Variants in SCUBE1 observed in about 807,000 individuals in gnomAD.
SCUBE1 encodes signal peptide, CUB and EGF-like domain-containing protein 1.
SCUBE1 carries 59 observed loss-of-function variants against 124.4 expected under a neutral mutation model. The ratio of observed to expected loss-of-function variants is 0.47; its 90% CI spans 0.38 to 0.59. The LOEUF (loss-of-function observed/expected upper bound fraction) is 0.59, where lower values mean the gene tolerates loss of function less well. Ranked by LOEUF, SCUBE1 falls within the 20% of genes least tolerant of loss-of-function variation. SCUBE1 has a pLI of 0.00. For missense variants in SCUBE1, 1,150 were observed against 1,371.2 expected, an observed-to-expected ratio of 0.84 and a Z score of 2.55; for synonymous variants, 545 against 550.9, an observed-to-expected ratio of 0.99 and a Z score of 0.15.
intron 4 of SCUBE1, among the ~76,000 whole-genome samples, chr22:43,277,220 G>A (rs115845116): frequency 0.012 from 1,853 of 152,248 alleles, 32 homozygotes; most frequent in African/African-American, 0.041. Flanking sequence ...GGCAGAGGCC[G>A]GGATGAGAAG....
intron 3 of SCUBE1, among the ~76,000 whole-genome samples, chr22:43,312,632 G>C (rs1926210840): frequency 2.6e-5 from 4 of 152,206 alleles, no homozygotes; most frequent in Non-Finnish European, 5.9e-5. Context: ...AGGATGATGT[G>C]AGGTGCCTAA....
At chr22:43,238,707 G>A (rs2146685966) in intron 7 of SCUBE1, 131 bp downstream of exon 7, 1 of 791,030 alleles carries the variant, frequency 1.3e-6, no homozygotes, top group South Asian at 1.4e-5. Context: ...GCAAATGATT[G>A]CCACGTGTCC....
chr22:43,266,610 G>C (rs1245200677), intron 4 of SCUBE1, among the ~76,000 whole-genome samples: 6 of 152,176 alleles, frequency 3.9e-5, no homozygotes, highest in Non-Finnish European at 8.8e-5. Flanking sequence ...AGCACATACA[G>C]CAGGGCTGGA....
intron 4 of SCUBE1, among the ~76,000 whole-genome samples, chr22:43,285,039 T>C (rs1238218422): frequency 6.6e-6 from 1 of 152,198 alleles, no homozygotes; most frequent in Non-Finnish European, 1.5e-5. Context: ...GGTAAACTCA[T>C]GCAGTCCTTG....
At chr22:43,252,343 C>T (rs1490365143) in intron 6 of SCUBE1, among the ~76,000 whole-genome samples, 1 of 152,232 alleles carries the variant, frequency 6.6e-6, no homozygotes, top group Non-Finnish European at 1.5e-5. Flanking sequence ...AACCCTTAGC[C>T]CCTCTGAGCC....
At chr22:43,217,474 G>C (rs1921882530) in intron 15 of SCUBE1, among the ~76,000 whole-genome samples, 1 of 151,948 alleles carries the variant, frequency 6.6e-6, no homozygotes, top group Admixed American at 6.5e-5. Context: ...CTCCCTAGGA[G>C]CCCCCTCCAT....
At chr22:43,301,687 T>C (rs1040134396) in intron 3 of SCUBE1, among the ~76,000 whole-genome samples, 1 of 152,196 alleles carries the variant, frequency 6.6e-6, no homozygotes, top group Non-Finnish European at 1.5e-5. Context: ...ATCTTCCTTG[T>C]GACTGTTTCT....
intron 3 of SCUBE1, among the ~76,000 whole-genome samples, chr22:43,312,663 C>G (rs1926211578): frequency 6.6e-6 from 1 of 152,182 alleles, no homozygotes; most frequent in Non-Finnish European, 1.5e-5. Context: ...AAGCTCTGCC[C>G]TTGGCCCAAG....
intron 9 of SCUBE1, 62 bp from the exon 10 acceptor site, chr22:43,227,558 G>A (rs1003019744): frequency 3.8e-6 from 6 of 1,586,816 alleles, no homozygotes; most frequent in Non-Finnish European, 4.3e-6. Context: ...GGCAGGGGAA[G>A]GGACCACCCA....
chr22:43,272,272 C>G (rs1298062932), intron 4 of SCUBE1, among the ~76,000 whole-genome samples: 2 of 152,162 alleles, frequency 1.3e-5, no homozygotes, highest in African/African-American at 2.4e-5. Flanking sequence ...CCCACTCTGC[C>G]TGGTCCCCTT....
intron 6 of SCUBE1, among the ~76,000 whole-genome samples, chr22:43,253,729 C>G (rs114125213): frequency 0.011 from 1,705 of 152,306 alleles, 37 homozygotes; most frequent in African/African-American, 0.04. Flanking sequence ...CCCGCCTGCA[C>G]CACCCATTTA....
Position 43,304,831 on chromosome 22 carries a change from G to A in SCUBE1, c.350-13651C>T, listed in dbSNP as rs568939697. The stretch of plus-strand genomic sequence containing the variant: ...GGGGACCCTCCACTCACTCCAGGTA[G>A]GGCGAGTCACCCACCCCACACCATC... On this transcript the variant is annotated intron_variant, in intron 3 of 21. Coordinates refer to ENST00000360835, the MANE Select transcript of SCUBE1 (RefSeq NM_173050.5). 1.9e-3 allele frequency among the ~76,000 whole-genome samples: 289 copies of A among 152,202 alleles called. 1 individual carries two copies. The highest frequency in any genetic ancestry group is 5.7e-3 in the African/African-American group (237 of 41,520).
intron 15 of SCUBE1, among the ~76,000 whole-genome samples, chr22:43,217,570 A>C (rs1601803085): frequency 2.0e-5 from 3 of 152,234 alleles, no homozygotes; most frequent in African/African-American, 7.2e-5. Flanking sequence ...TGCTCTAAGC[A>C]TTCCTATGGC....
At chr22:43,311,789 A>G (rs760246458) in intron 3 of SCUBE1, among the ~76,000 whole-genome samples, 1 of 152,042 alleles carries the variant, frequency 6.6e-6, no homozygotes, top group Non-Finnish European at 1.5e-5. Flanking sequence ...TCATGGACCT[A>G]AGAGCCCTGC....
At chr22:43,220,322 C>T (rs1475118582) in intron 14 of SCUBE1, 128 bp downstream of exon 14, 7 of 1,087,180 alleles carry the variant, frequency 6.4e-6, no homozygotes, top group East Asian at 2.4e-5. Context: ...AGAAGCTGGG[C>T]TCCCATCCCA....
intron 3 of SCUBE1, among the ~76,000 whole-genome samples, chr22:43,310,525 T>C (rs1260524026): frequency 1.3e-5 from 2 of 152,190 alleles, no homozygotes; most frequent in Non-Finnish European, 2.9e-5. Context: ...TGCTTCCAGA[T>C]GATTCCAGTT....
rs543848213 is a variant in SCUBE1, at chr22:43,215,922, C to T, written c.1892-1671G>A. ...ATGCATGCACACTCACACACATGCA[C>T]ACGTGTGGGAGACGGGGCAGATGTG... On this transcript the variant is annotated intron_variant, in intron 15 of 21. Coordinates refer to ENST00000360835, the MANE Select transcript of SCUBE1 (RefSeq NM_173050.5). 9.2e-4 allele frequency among the ~76,000 whole-genome samples: 140 copies of T among 152,050 alleles called. No individual in the cohort carries two copies. In the Middle Eastern group the frequency reaches 0.041, roughly 44 times the overall value.
intron 2 of SCUBE1, among the ~76,000 whole-genome samples, chr22:43,324,668 C>T (rs2146789592): frequency 6.6e-6 from 1 of 152,012 alleles, no homozygotes; most frequent in East Asian, 1.9e-4. Context: ...GGAGTCGCCG[C>T]CCCTGGAAGA....
chr22:43,264,253 G>A (rs1923980398), intron 4 of SCUBE1, among the ~76,000 whole-genome samples: 1 of 152,208 alleles, frequency 6.6e-6, no homozygotes, highest in Non-Finnish European at 1.5e-5. Context: ...GCTGTGGCCT[G>A]GGAGACAACT....
Sources: gnomAD v4.1 joint callset for allele counts (sites outside exome capture counted in the v4.1 genomes callset) on GRCh38, gnomAD v4.1.1 for gene constraint, MANE v1.5 for transcripts, NCBI Gene and HGNC (gene_info 2026-07-23, HGNC 2026-07-21) for gene names.